SEMA6D: variants seen among roughly 807,000 people sequenced by gnomAD.
SEMA6D encodes semaphorin 6D.
Under a neutral mutation model 106.6 loss-of-function variants are expected in SEMA6D, and 35 were observed. The ratio of observed to expected loss-of-function variants is 0.33; its 90% CI spans 0.25 to 0.44. The LOEUF is 0.44. SEMA6D is among the 20% of genes least tolerant of loss of function. SEMA6D has a pLI of 1.00. For missense variants in SEMA6D, 1,185 were observed against 1,345.9 expected, an observed-to-expected ratio of 0.88 and a Z score of 1.87; for synonymous variants, 499 against 487.7, an observed-to-expected ratio of 1.02 and a Z score of -0.31.
At chr15:47,591,431 T>C (rs2076437678) in intron 3 of SEMA6D, among the ~76,000 whole-genome samples, 1 of 152,152 alleles carries the variant, frequency 6.6e-6, no homozygotes, top group Non-Finnish European at 1.5e-5. Flanking sequence ...TCATCTAGGA[T>C]GATAAGAACT....
intron 1 of SEMA6D, among the ~76,000 whole-genome samples, chr15:47,219,356 G>A (rs1213655755): frequency 1.3e-5 from 2 of 152,136 alleles, no homozygotes; most frequent in African/African-American, 4.8e-5. Flanking sequence ...GGCGGTTACA[G>A]CTACCAGGTC....
chr15:47,259,328 C>A (rs558845668), intron 1 of SEMA6D, among the ~76,000 whole-genome samples: 2 of 152,076 alleles, frequency 1.3e-5, no homozygotes, highest in African/African-American at 4.8e-5. Flanking sequence ...GTTATTTTAG[C>A]GAGTCTTTAA....
chr15:47,584,633 T>C (rs2076306945), intron 3 of SEMA6D, among the ~76,000 whole-genome samples: 4 of 152,172 alleles, frequency 2.6e-5, no homozygotes, highest in Admixed American at 2.6e-4. Context: ...TTTTGGTATC[T>C]TTTGTTGGAA....
At chr15:47,425,235 C>A (rs1026983289) in intron 2 of SEMA6D, among the ~76,000 whole-genome samples, 6 of 151,896 alleles carry the variant, frequency 4.0e-5, no homozygotes, top group African/African-American at 9.7e-5. Flanking sequence ...AGTTTCAAGA[C>A]AATTACATTA....
intron 1 of SEMA6D, among the ~76,000 whole-genome samples, chr15:47,254,783 A>G (rs552958476): frequency 5.9e-5 from 9 of 151,958 alleles, no homozygotes; most frequent in African/African-American, 1.9e-4. Flanking sequence ...GCTATGGTGA[A>G]TAATCTTTTT....
chr15:47,372,806 T>A (rs2039321124), intron 1 of SEMA6D, among the ~76,000 whole-genome samples: 1 of 152,216 alleles, frequency 6.6e-6, no homozygotes, highest in Non-Finnish European at 1.5e-5. Context: ...CCACCCAAGC[T>A]ACGTTTTCAC....
At chr15:47,379,984 G>A (rs199856328) in intron 1 of SEMA6D, among the ~76,000 whole-genome samples, 5 of 152,016 alleles carry the variant, frequency 3.3e-5, no homozygotes, top group East Asian at 1.9e-4. Flanking sequence ...CTTGAACTCC[G>A]GACCTCAGGT....
intron 3 of SEMA6D, among the ~76,000 whole-genome samples, chr15:47,567,480 A>G (rs886853145): frequency 6.6e-6 from 1 of 152,170 alleles, no homozygotes; most frequent in East Asian, 1.9e-4. Flanking sequence ...TTTCTTCCTC[A>G]TTATCTTTGC....
At chr15:47,184,203 C>G (rs748961860) in exon 1 of SEMA6D, 1 of 152,770 alleles carries the variant, frequency 6.5e-6, no homozygotes, top group Non-Finnish European at 1.5e-5. Flanking sequence ...AGCAGAGAGA[C>G]CCACCAGGAC....
chr15:47,673,766 G>A (rs1365212593), intron 4 of SEMA6D, among the ~76,000 whole-genome samples: 1 of 152,202 alleles, frequency 6.6e-6, no homozygotes, highest in Non-Finnish European at 1.5e-5. Flanking sequence ...AGGGAATTAA[G>A]TTTGCAAACT....
chr15:47,706,927 C>T (rs1423238122), intron 4 of SEMA6D, among the ~76,000 whole-genome samples: 2 of 152,234 alleles, frequency 1.3e-5, no homozygotes, highest in Admixed American at 6.5e-5. Context: ...GTGATGCTCA[C>T]GATATCCATA....
intron 1 of SEMA6D, among the ~76,000 whole-genome samples, chr15:47,725,956 TA>T (rs2079719545): frequency 1.3e-5 from 2 of 152,204 alleles, no homozygotes; most frequent in Non-Finnish European, 2.9e-5. Context: ...TCAGAAATTA[TA>T]AAATAGGTCA....
intron 1 of SEMA6D, among the ~76,000 whole-genome samples, chr15:47,242,539 G>C (rs2032973922): frequency 6.6e-6 from 1 of 152,116 alleles, no homozygotes; most frequent in African/African-American, 2.4e-5. Context: ...TGAAGAAGGA[G>C]CCATAGGGCA....
At chr15:47,194,019 C>T (rs1210154589) in intron 1 of SEMA6D, among the ~76,000 whole-genome samples, 3 of 151,628 alleles carry the variant, frequency 2.0e-5, no homozygotes, top group African/African-American at 7.3e-5. Flanking sequence ...ACAGAGAGTA[C>T]AGCATATGGT....
Position 47,770,893 on chromosome 15 carries a change from C to T in SEMA6D, c.2330C>T (p.Thr777Ile). The change falls in exon 19 of 19, where the codon ACA becomes ATA. Residue 777 changes from threonine to isoleucine, a missense_variant. Transcript: ENST00000536845. The stretch of plus-strand genomic sequence containing the variant: ...GCTGCTCTTCCTACTCCTGAGTCTA[C>T]ACCCGTGCTTCACCAGAAGACCCTG... Reference protein sequence around the residue: ...ELAALPTPESTPVLHQKTLQA... With the variant: ...ELAALPTPESIPVLHQKTLQA... 1 of 1,614,090 alleles carries T rather than the reference C, an allele frequency of 6.2e-7. No individual in the cohort carries two copies. Among genetic ancestry groups the T allele is most frequent in the Non-Finnish European group, 8.5e-7 (1 of 1,180,006 alleles).
At position 47,409,175 on chromosome 15, in the gene SEMA6D, C is replaced by A. The variant is rs2040699451; in HGVS notation, c.-238-3218C>A. Among the ~76,000 whole-genome samples the A allele has an allele frequency of 2.0e-5, 3 of 152,204 alleles. 1 individual carries two copies. The South Asian group carries it at 6.2e-4, about 31-fold the overall frequency. On this transcript the variant is annotated intron_variant, in intron 1 of 19. Coordinates refer to the SEMA6D transcript ENST00000558014. ...ATAGTTTATTTAAGCTTGTAGACAG[C>A]TTTTTCTTGCCTATCGTACAGCTGT...
intron 4 of SEMA6D, among the ~76,000 whole-genome samples, chr15:47,710,928 C>A (rs904883601): frequency 1.3e-5 from 2 of 152,132 alleles, no homozygotes; most frequent in African/African-American, 2.4e-5. Flanking sequence ...AAGGAACATA[C>A]CCTAGCAATT....
chr15:47,753,208 G>T (rs932358339), intron 1 of SEMA6D, among the ~76,000 whole-genome samples: 2 of 152,130 alleles, frequency 1.3e-5, no homozygotes, highest in Non-Finnish European at 2.9e-5. Context: ...TTATGGATTT[G>T]GGGAGTGGTC....
chr15:47,626,738 A>T (rs1000935986), intron 4 of SEMA6D, among the ~76,000 whole-genome samples: 2 of 152,062 alleles, frequency 1.3e-5, no homozygotes, highest in African/African-American at 4.8e-5. Context: ...TAATTTTGAA[A>T]TTGAATAACA....
Sources: gnomAD v4.1 joint callset for allele counts (sites outside exome capture counted in the v4.1 genomes callset) on GRCh38, gnomAD v4.1.1 for gene constraint, MANE v1.5 for transcripts, NCBI Gene and HGNC (gene_info 2026-07-23, HGNC 2026-07-21) for gene names.